SEC24B: variants seen among roughly 807,000 people sequenced by gnomAD.
SEC24B encodes protein transport protein Sec24B.
In SEC24B, 45 loss-of-function variants were observed where a neutral mutation model predicts 142.8. The observed-to-expected ratio is 0.32, with a 90% CI of 0.25 to 0.40. SEC24B has a LOEUF of 0.40. Ranked by LOEUF, SEC24B falls within the 10% of genes least tolerant of loss-of-function variation. The pLI is 1.00. For synonymous variants in SEC24B, 574 were observed against 568.2 expected, an observed-to-expected ratio of 1.01 and a Z score of -0.15; for missense variants, 1,409 against 1,526.8, an observed-to-expected ratio of 0.92 and a Z score of 1.29.
chr4:109,492,173 C>CT (rs2126005197), intron 5 of SEC24B, among the ~76,000 whole-genome samples: 1 of 150,694 alleles, frequency 6.6e-6, no homozygotes, highest in South Asian at 2.1e-4. Context: ...AAAACCCATG[C>CT]TATCTTGCTA....
chr4:109,465,958 C>G (rs1578814079), intron 2 of SEC24B, among the ~76,000 whole-genome samples: 1 of 151,772 alleles, frequency 6.6e-6, no homozygotes, highest in Admixed American at 6.6e-5. Context: ...TTTTTTTCCC[C>G]TGCATTTAGA....
chr4:109,509,174 A>T (rs1054312788), intron 7 of SEC24B, among the ~76,000 whole-genome samples: 1 of 152,200 alleles, frequency 6.6e-6, no homozygotes, highest in African/African-American at 2.4e-5. Context: ...AAAGGGTTCC[A>T]ACCTGCATGA....
intron 14 of SEC24B, among the ~76,000 whole-genome samples, chr4:109,522,445 A>G (rs1419132760): frequency 6.6e-6 from 1 of 152,206 alleles, no homozygotes; most frequent in Non-Finnish European, 1.5e-5. Flanking sequence ...CATTTAGTCT[A>G]ACTTTTTCAT....
intron 6 of SEC24B, 149 bp downstream of exon 6, chr4:109,495,005 C>T: frequency 1.1e-6 from 1 of 889,774 alleles, no homozygotes; most frequent in Non-Finnish European, 1.7e-6. Context: ...TTGATCTCAG[C>T]TTTTTTGTGT....
intron 1 of SEC24B, among the ~76,000 whole-genome samples, chr4:109,441,519 C>G (rs1407223310): frequency 6.6e-6 from 1 of 152,170 alleles, no homozygotes; most frequent in Admixed American, 6.5e-5. Context: ...CAGTCTTGAC[C>G]TCCCCGGGTT....
intron 22 of SEC24B, among the ~76,000 whole-genome samples, chr4:109,535,737 A>G (rs1725463101): frequency 6.6e-6 from 1 of 152,198 alleles, no homozygotes; most frequent in African/African-American, 2.4e-5. Context: ...CTGTAGTCCC[A>G]GCTCTTAAGG....
At chr4:109,451,788 G>A (rs899938963) in intron 1 of SEC24B, among the ~76,000 whole-genome samples, 5 of 152,126 alleles carry the variant, frequency 3.3e-5, no homozygotes, top group Non-Finnish European at 7.4e-5. Flanking sequence ...GTATGTATAT[G>A]TATATGCTAA....
chr4:109,442,428 T>TGTCA (rs1193737977), intron 1 of SEC24B, among the ~76,000 whole-genome samples: 2 of 152,216 alleles, frequency 1.3e-5, no homozygotes, highest in African/African-American at 2.4e-5. Flanking sequence ...GCATACTGAC[T>TGTCA]GAATATTGGC....
Position 109,538,000 on chromosome 4 carries a change from G to A in SEC24B, c.3589-493G>A, listed in dbSNP as rs182256368. ...TTTTAGGTCCTTTTAAAATAGTCTC[G>A]CGTATAGTTTTAAAATATATTTACA... On this transcript the variant is annotated intron_variant, in intron 22 of 23. Transcript: ENST00000265175. Among the ~76,000 whole-genome samples the A allele has an allele frequency of 1.3e-3, 201 of 151,982 alleles. 3 individuals carry two copies. Among genetic ancestry groups the A allele is most frequent in the South Asian group, 1.0e-2 (48 of 4,814 alleles).
intron 6 of SEC24B, among the ~76,000 whole-genome samples, chr4:109,502,307 CAG>C (rs761069734): frequency 6.6e-6 from 1 of 152,140 alleles, no homozygotes; most frequent in African/African-American, 2.4e-5. Context: ...AGAGAGGTAT[CAG>C]AGATTTTATG....
At position 109,441,511 on chromosome 4, in the gene SEC24B, G is replaced by C. The variant is rs117579047; in HGVS notation, c.133+7509G>C. ...AGTGATATGATCACAGCTCACTGCA[G>C]TCTTGACCTCCCCGGGTTAAGGTGA... On this transcript the variant is annotated intron_variant, in intron 1 of 23. Transcript: ENST00000265175. Among the ~76,000 whole-genome samples the C allele has an allele frequency of 2.0e-4, 31 of 152,294 alleles. No homozygotes were observed. In the East Asian group the frequency reaches 6.0e-3, roughly 29 times the overall value.
At chr4:109,448,260 T>TA (rs950035835) in intron 1 of SEC24B, among the ~76,000 whole-genome samples, 18 of 152,216 alleles carry the variant, frequency 1.2e-4, no homozygotes, top group African/African-American at 4.3e-4. Flanking sequence ...TTTTTTTTTT[T>TA]ATGGCAAGGT....
Position 109,533,613 on chromosome 4 carries a change from G to A in SEC24B, c.3516G>A (p.Gly1172=), listed in dbSNP as rs1725169731. The change falls in exon 22 of 24, where the codon GGG becomes GGA. Residue 1172 remains glycine (G), a synonymous_variant. Transcript: ENST00000265175. ...TTTAGGTTTTTTACATTTGGGTTGG[G>A]AAAGGCTGTGACAATAACTTCATAG... The part of the protein sequence containing the change: ...DCGSVFYIWV[G]KGCDNNFIED... The A allele has an allele frequency of 1.9e-6, 3 of 1,610,800 alleles. No homozygotes were observed. In the East Asian group the frequency reaches 6.7e-5, roughly 36 times the overall value.
chr4:109,439,814 T>C (rs887997933), intron 1 of SEC24B, among the ~76,000 whole-genome samples: 1 of 151,272 alleles, frequency 6.6e-6, no homozygotes, highest in African/African-American at 2.4e-5. Context: ...AGCTGATTGA[T>C]AGATATCTCA....
chr4:109,500,592 A>T (rs1194019370), intron 6 of SEC24B, among the ~76,000 whole-genome samples: 1 of 151,852 alleles, frequency 6.6e-6, no homozygotes, highest in African/African-American at 2.4e-5. Flanking sequence ...ATTTGCACCA[A>T]CCTATTAAAA....
At chr4:109,485,840 T>C (rs1282136386) in intron 4 of SEC24B, among the ~76,000 whole-genome samples, 1 of 152,198 alleles carries the variant, frequency 6.6e-6, no homozygotes, top group African/African-American at 2.4e-5. Flanking sequence ...TTCCCTTTAT[T>C]TGTGAGATTT....
chr4:109,480,347 T>C (rs1175301831), intron 3 of SEC24B, among the ~76,000 whole-genome samples: 2 of 152,176 alleles, frequency 1.3e-5, no homozygotes, highest in Non-Finnish European at 2.9e-5. Context: ...TGTACCCCAA[T>C]ATTAGGAAAT....
At chr4:109,524,084 G>A (rs1723954734) in intron 14 of SEC24B, among the ~76,000 whole-genome samples, 2 of 152,108 alleles carry the variant, frequency 1.3e-5, no homozygotes, top group Non-Finnish European at 2.9e-5. Context: ...TTGAACACAG[G>A]AAGCTGATAT....
At chr4:109,497,242 G>A (rs939383304) in intron 6 of SEC24B, among the ~76,000 whole-genome samples, 6 of 152,208 alleles carry the variant, frequency 3.9e-5, no homozygotes, top group Admixed American at 6.5e-5. Context: ...TTGCTGACCC[G>A]TGACAAAGGA....
Sources: allele counts gnomAD v4.1 joint callset (sites outside exome capture counted in the v4.1 genomes callset), GRCh38; gene constraint gnomAD v4.1.1; transcripts MANE v1.5; gene names NCBI Gene and HGNC (gene_info 2026-07-23, HGNC 2026-07-21).